Variants in ATP2B4 observed in about 807,000 individuals in gnomAD.
The protein encoded by ATP2B4 is plasma membrane calcium-transporting ATPase 4.
Under a neutral mutation model 110.3 loss-of-function variants are expected in ATP2B4, and 39 were observed. The ratio of observed to expected loss-of-function variants is 0.35; its 90% confidence interval spans 0.27 to 0.46. ATP2B4 has a LOEUF of 0.46. ATP2B4 is among the 20% of genes least tolerant of loss of function. The pLI, the probability that ATP2B4 is intolerant of heterozygous loss-of-function variation, is 1.00. For missense variants in ATP2B4, 1,135 were observed against 1,530.9 expected (o/e 0.74, Z 4.32); for synonymous variants, 538 against 571.7 (o/e 0.94, Z 0.84).
chr1:203,726,741 G>C (rs946052753), intron 19 of ATP2B4, among the ~76,000 whole-genome samples: 5 of 152,018 alleles, frequency 3.3e-5, no homozygotes, highest in African/African-American at 1.2e-4. Context: ...TGAGCTCACC[G>C]GGAAATTTAT....
intron 1 of ATP2B4, among the ~76,000 whole-genome samples, chr1:203,658,989 G>A (rs1664252270): frequency 6.6e-6 from 1 of 151,888 alleles, no homozygotes; most frequent in South Asian, 2.1e-4. Context: ...GGGTGACAAA[G>A]TGAGACTGCG....
chr1:203,702,678 C>T (rs1161466585), intron 7 of ATP2B4, among the ~76,000 whole-genome samples: 3 of 152,152 alleles, frequency 2.0e-5, no homozygotes, highest in Non-Finnish European at 4.4e-5. Context: ...ATTCTGTCTC[C>T]GTCTTCTTGT....
At position 203,713,394 on chromosome 1, in the gene ATP2B4, C is replaced by T. The variant is rs759658873; in HGVS notation, c.2299+142C>T. The T allele has an allele frequency of 3.8e-5, 29 of 764,356 alleles. No individual in the cohort carries two copies. The African/African-American group carries it at 4.0e-4, about 11-fold the overall frequency. 47.3% of individuals were successfully genotyped at this position (764,356 alleles called of 1,614,324 possible). On this transcript the variant is annotated intron_variant, in intron 14 of 20. Coordinates refer to ENST00000357681, the MANE Select transcript of ATP2B4 (RefSeq NM_001684.5). ...CTCCCAGGCTAGTGGGGAGAACATA[C>T]AGTTAGCAAACATCTGAGCCCTTGG...
Position 203,686,685 on chromosome 1 carries a change from C to CTTTTTTTTTTTT in ATP2B4, c.193+3302_193+3313dup, listed in dbSNP as rs779048789. Among the ~76,000 whole-genome samples the CTTTTTTTTTTTT allele has an allele frequency of 1.1e-3, 48 of 42,766 alleles. 5 individuals carry two copies. The highest frequency in any genetic ancestry group is 1.5e-3 in the African/African-American group (15 of 9,916). 28.1% of individuals were successfully genotyped at this position (42,766 alleles called of 152,430 possible). The stretch of plus-strand genomic sequence containing the variant: ...CCTGGTGTTTTTCTTTCTTTTCTTT[C>CTTTTTTTTTTTT]TTTTTTTTTTTTTTTTTTTTTTTTT... On this transcript the variant is annotated intron_variant, in intron 2 of 20. Transcript: ENST00000357681.
intron 1 of ATP2B4, among the ~76,000 whole-genome samples, chr1:203,682,146 G>A (rs1005248859): frequency 1.3e-5 from 2 of 152,100 alleles, no homozygotes; most frequent in Admixed American, 6.5e-5. Context: ...CTTCTATCAA[G>A]TTGTCATTTC....
Position 203,719,652 on chromosome 1 carries a change from T to C in ATP2B4, c.2407-897T>C, listed in dbSNP as rs144857442. On this transcript the variant is annotated intron_variant, in intron 15 of 20. Coordinates refer to ENST00000357681, the MANE Select transcript of ATP2B4 (RefSeq NM_001684.5). ...CTCGCTTGAACCCAGGAGTCAGAGG[T>C]AGCAGTGAGCTGAGATCACACCACT... Among the ~76,000 whole-genome samples, 247 of 151,598 alleles carry C rather than the reference T, an allele frequency of 1.6e-3. 4 individuals carry two copies. The East Asian group carries it at 0.027, about 17-fold the overall frequency.
intron 20 of ATP2B4, among the ~76,000 whole-genome samples, chr1:203,732,723 A>G (rs1459231494): frequency 2.0e-5 from 3 of 151,936 alleles, no homozygotes; most frequent in East Asian, 3.9e-4. Flanking sequence ...TTTTAAGAGT[A>G]CAGGTAAAAA....
chr1:203,669,754 T>C (rs1664606333), intron 1 of ATP2B4, among the ~76,000 whole-genome samples: 1 of 152,128 alleles, frequency 6.6e-6, no homozygotes, highest in African/African-American at 2.4e-5. Context: ...GGGACTTTCA[T>C]ACTTTTCCTT....
At chr1:203,668,304 T>G (rs1286563719) in intron 1 of ATP2B4, among the ~76,000 whole-genome samples, 1 of 152,132 alleles carries the variant, frequency 6.6e-6, no homozygotes, top group East Asian at 1.9e-4. Flanking sequence ...TAGTGCCTTT[T>G]TAATCTGTCT....
chr1:203,662,030 C>A (rs1450844521), intron 1 of ATP2B4, among the ~76,000 whole-genome samples: 1 of 151,046 alleles, frequency 6.6e-6, no homozygotes, highest in African/African-American at 2.4e-5. Context: ...TTGCCATCTT[C>A]ACCTTTTTTT....
At chr1:203,706,880 G>T in intron 8 of ATP2B4, 129 bp from the exon 9 acceptor site, 2 of 733,662 alleles carry the variant, frequency 2.7e-6, no homozygotes, top group Non-Finnish European at 2.3e-6. Context: ...GGGGATTTTA[G>T]TAAGTCTTCC....
At chr1:203,713,138 G>A in intron 13 of ATP2B4, 27 bp from the exon 14 acceptor site, 3 of 1,613,346 alleles carry the variant, frequency 1.9e-6, no homozygotes, top group Non-Finnish European at 1.7e-6. Context: ...GCATTTGACT[G>A]ATCCAGGTGT....
rs2102389423 is a variant in ATP2B4 at position 203,702,912 on chromosome 1, G to A, written c.938-740G>A. ...AAACAGAAATAATTCTTTAATTTTA[G>A]GTCTTTAACTCTTCTTTTAAAAGCA... is the stretch of plus-strand genomic sequence containing the variant. On this transcript the variant is annotated intron_variant, in intron 7 of 20. Transcript: ENST00000357681. 1.3e-5 allele frequency among the ~76,000 whole-genome samples: 2 copies of A among 152,260 alleles called. 1 individual carries two copies. Among genetic ancestry groups the A allele is most frequent in the South Asian group, 4.1e-4 (2 of 4,828 alleles).
intron 1 of ATP2B4, among the ~76,000 whole-genome samples, chr1:203,655,151 T>A (rs1160619697): frequency 6.6e-6 from 1 of 152,186 alleles, no homozygotes. Flanking sequence ...TTTTTAGGAA[T>A]GAGCAAAGAA....
rs745706112 is a variant in ATP2B4 at position 203,707,146 on chromosome 1, G to A, written c.1237G>A (p.Gly413Ser). ...IQYFVKFFIIGITVLVVAVPE... is the reference protein window; with the variant it reads ...IQYFVKFFIISITVLVVAVPE... ...GTACTTTGTCAAGTTCTTCATCATC[G>A]GCATCACTGTACTGGTGGTGGCTGT... The change falls in exon 9 of 21, where the codon GGC (glycine) becomes AGC (serine). Residue 413 changes from glycine (G) to serine (S), a missense_variant. By Grantham distance (56) the Gly-to-Ser change is moderately conservative. Around this residue, in one of 9 missense-constraint regions of ATP2B4, gnomAD observed 162 missense variants for 210.5 expected, o/e 0.77. Coordinates refer to ENST00000357681, the MANE Select transcript of ATP2B4 (RefSeq NM_001684.5). The A allele has an allele frequency of 7.4e-6, 12 of 1,613,932 alleles. No homozygotes were observed. The highest frequency in any genetic ancestry group is 2.2e-5 in the East Asian group (1 of 44,880).
intron 1 of ATP2B4, among the ~76,000 whole-genome samples, chr1:203,654,435 T>G (rs567073573): frequency 3.9e-5 from 6 of 152,368 alleles, no homozygotes; most frequent in Admixed American, 3.3e-4. Context: ...AAATCTATTC[T>G]GCAGCTCATG....
At chr1:203,713,276 G>A in intron 14 of ATP2B4, 24 bp downstream of exon 14, 1 of 1,613,626 alleles carries the variant, frequency 6.2e-7, no homozygotes, top group South Asian at 1.1e-5. Flanking sequence ...CCAAATAGGT[G>A]CCTGCAACAG....
intron 6 of ATP2B4, among the ~76,000 whole-genome samples, chr1:203,701,772 T>C (rs1571739441): frequency 6.6e-6 from 1 of 152,126 alleles, no homozygotes; most frequent in Non-Finnish European, 1.5e-5. Context: ...TTCCAAGCAA[T>C]GTGACTCAGG....
At chr1:203,640,685 A>C (rs1249409732) in intron 1 of ATP2B4, among the ~76,000 whole-genome samples, 1 of 152,210 alleles carries the variant, frequency 6.6e-6, no homozygotes, top group East Asian at 1.9e-4. Context: ...AACATTTATT[A>C]TTTATGTGAT....
Sources: allele counts gnomAD v4.1 joint callset (sites outside exome capture counted in the v4.1 genomes callset), GRCh38; gene constraint gnomAD v4.1.1; regional missense constraint gnomAD v4.1.1; transcripts MANE v1.5; gene names NCBI Gene and HGNC (gene_info 2026-07-23, HGNC 2026-07-21).